ALK: variants seen among roughly 807,000 people sequenced by gnomAD.
ALK encodes ALK receptor tyrosine kinase.
In ALK, 74 loss-of-function variants were observed where a neutral mutation model predicts 163.1. That is an observed-to-expected ratio of 0.45 (90% CI 0.38 to 0.55). The LOEUF is 0.55. Ranked by LOEUF, ALK falls within the 20% of genes least tolerant of loss-of-function variation. The probability of loss-of-function intolerance (pLI) is 0.00; values close to 1 mark genes in which losing one functional copy is unlikely to be tolerated. For synonymous variants in ALK, 960 were observed against 843.2 expected (o/e 1.14, Z -2.40); for missense variants, 2,063 against 2,105.3 (o/e 0.98, Z 0.39).
chr2:29,847,433 T>G (rs563259178), intron 1 of ALK, among the ~76,000 whole-genome samples: 1 of 152,258 alleles, frequency 6.6e-6, no homozygotes, highest in African/African-American at 2.4e-5. Context: ...TAAAAGCAAC[T>G]TGCTGATCAG....
chr2:29,460,256 A>G (rs1369716169), intron 4 of ALK, among the ~76,000 whole-genome samples: 1 of 152,204 alleles, frequency 6.6e-6, no homozygotes, highest in Non-Finnish European at 1.5e-5. Flanking sequence ...AAATCGTTTG[A>G]AATACAATAG....
intron 2 of ALK, among the ~76,000 whole-genome samples, chr2:29,706,205 A>G (rs972378270): frequency 1.3e-5 from 2 of 152,242 alleles, no homozygotes; most frequent in Admixed American, 6.5e-5. Flanking sequence ...CCCTTTGGGC[A>G]GGTGGCCAAA....
chr2:29,901,631 G>C (rs949913704), intron 1 of ALK, among the ~76,000 whole-genome samples: 12 of 152,192 alleles, frequency 7.9e-5, no homozygotes, highest in African/African-American at 2.4e-4. Flanking sequence ...CTTAAGAAAA[G>C]CTGCAAATCA....
intron 3 of ALK, among the ~76,000 whole-genome samples, chr2:29,694,571 C>G (rs1678496829): frequency 6.6e-6 from 1 of 152,208 alleles, no homozygotes; most frequent in South Asian, 2.1e-4. Flanking sequence ...AAATACCGAT[C>G]AGCACTTTCT....
chr2:29,411,094 T>C (rs930686255), intron 4 of ALK, among the ~76,000 whole-genome samples: 20 of 152,256 alleles, frequency 1.3e-4, no homozygotes, highest in African/African-American at 4.6e-4. Context: ...TAATTATTTT[T>C]GTATTACTTT....
At chr2:29,464,894 A>G (rs1332631625) in intron 4 of ALK, among the ~76,000 whole-genome samples, 1 of 152,238 alleles carries the variant, frequency 6.6e-6, no homozygotes, top group African/African-American at 2.4e-5. Flanking sequence ...ACAAAGCAAT[A>G]GAAACCATCC....
At chr2:29,565,628 A>G (rs1049957685) in intron 3 of ALK, among the ~76,000 whole-genome samples, 3 of 152,168 alleles carry the variant, frequency 2.0e-5, no homozygotes, top group African/African-American at 7.2e-5. Context: ...GTAGTGGCCA[A>G]GCTCTCCTAA....
chr2:29,392,929 A>G (rs996840107), intron 4 of ALK, among the ~76,000 whole-genome samples: 2 of 152,092 alleles, frequency 1.3e-5, no homozygotes, highest in East Asian at 1.9e-4. Context: ...CTGAGGTTCA[A>G]TGTTCAAGGT....
chr2:29,291,072 A>G (rs1308592641), intron 9 of ALK, among the ~76,000 whole-genome samples: 1 of 152,204 alleles, frequency 6.6e-6, no homozygotes, highest in Non-Finnish European at 1.5e-5. Context: ...GTTAGTAACA[A>G]TGGCTATTGA....
chr2:29,425,440 T>C (rs1187927157), intron 4 of ALK, among the ~76,000 whole-genome samples: 1 of 152,112 alleles, frequency 6.6e-6, no homozygotes, highest in Non-Finnish European at 1.5e-5. Flanking sequence ...GGCCAAGAAG[T>C]TGGGGATCCC....
chr2:29,750,008 G>T (rs897871154), intron 1 of ALK, among the ~76,000 whole-genome samples: 19 of 152,214 alleles, frequency 1.2e-4, no homozygotes, highest in Non-Finnish European at 1.8e-4. Context: ...CTCCCTGCCA[G>T]GAAGGAACAG....
intron 1 of ALK, among the ~76,000 whole-genome samples, chr2:29,912,703 T>C (rs1304927644): frequency 6.6e-6 from 1 of 151,806 alleles, no homozygotes; most frequent in Non-Finnish European, 1.5e-5. Context: ...ATTTTATTTA[T>C]AATACATATA....
chr2:29,563,570 A>G (rs1674085686), intron 3 of ALK, among the ~76,000 whole-genome samples: 1 of 152,218 alleles, frequency 6.6e-6, no homozygotes, highest in South Asian at 2.1e-4. Flanking sequence ...AGAGGAATTT[A>G]TGGTTTTGTA....
chr2:29,865,765 G>A (rs182257829), intron 1 of ALK, among the ~76,000 whole-genome samples: 1 of 152,188 alleles, frequency 6.6e-6, no homozygotes, highest in East Asian at 1.9e-4. Context: ...GGTAATGTGG[G>A]AAGTCACCTA....
chr2:29,403,032 G>A (rs1207164525), intron 4 of ALK, among the ~76,000 whole-genome samples: 2 of 152,118 alleles, frequency 1.3e-5, no homozygotes, highest in African/African-American at 4.8e-5. Context: ...TTAACTACTT[G>A]GTTGCCAGAA....
chr2:29,392,728 T>C (rs932951919), intron 4 of ALK, among the ~76,000 whole-genome samples: 4 of 152,198 alleles, frequency 2.6e-5, no homozygotes, highest in Admixed American at 2.0e-4. Context: ...AGACTGATCA[T>C]AACCACAGTT....
chr2:29,620,541 G>A (rs558291210), intron 3 of ALK, among the ~76,000 whole-genome samples: 7 of 152,128 alleles, frequency 4.6e-5, no homozygotes, highest in Admixed American at 4.6e-4. Context: ...CTATAACGGA[G>A]CTGAAGATGC....
intron 1 of ALK, among the ~76,000 whole-genome samples, chr2:29,742,463 G>A (rs752115188): frequency 2.6e-5 from 4 of 152,180 alleles, no homozygotes; most frequent in South Asian, 2.1e-4. Context: ...ATGGCTGTGG[G>A]CCTAGTTTCT....
intron 4 of ALK, among the ~76,000 whole-genome samples, chr2:29,412,707 T>C (rs1669753386): frequency 6.6e-6 from 1 of 152,236 alleles, no homozygotes; most frequent in African/African-American, 2.4e-5. Flanking sequence ...ATGTGATGAA[T>C]AATGATTCTT....
Sources: gnomAD v4.1 joint callset for allele counts (sites outside exome capture counted in the v4.1 genomes callset) on GRCh38, gnomAD v4.1.1 for gene constraint, MANE v1.5 for transcripts, NCBI Gene and HGNC (gene_info 2026-07-23, HGNC 2026-07-21) for gene names.